PCCA: variants seen among roughly 807,000 people sequenced by gnomAD.
The protein encoded by PCCA is propionyl-CoA carboxylase subunit alpha, also known as propionyl-CoA carboxylase alpha chain, mitochondrial.
Under a neutral mutation model 101.3 loss-of-function variants are expected in PCCA, and 74 were observed. The ratio of observed to expected loss-of-function variants is 0.73; its 90% CI spans 0.61 to 0.89. The LOEUF is 0.89. PCCA is among the 40% of genes least tolerant of loss of function. The probability of loss-of-function intolerance (pLI) is 0.00; values close to 1 mark genes in which losing one functional copy is unlikely to be tolerated. For synonymous variants in PCCA, 294 were observed against 313.6 expected (o/e 0.94, Z 0.66); for missense variants, 891 against 907.0 (o/e 0.98, Z 0.23).
At chr13:100,334,613 C>T (rs1287866637) in intron 17 of PCCA, among the ~76,000 whole-genome samples, 2 of 152,114 alleles carry the variant, frequency 1.3e-5, no homozygotes, top group Non-Finnish European at 2.9e-5. Flanking sequence ...AACTAAAAAA[C>T]TGTGATTTTT....
intron 2 of PCCA, chr13:100,104,674 A>G (rs2047588235): frequency 6.6e-6 from 1 of 152,102 alleles, no homozygotes; most frequent in Non-Finnish European, 1.5e-5. Flanking sequence ...ACCAATTAAT[A>G]CACAGGGCAA....
chr13:100,234,057 C>T (rs966305180), intron 7 of PCCA, among the ~76,000 whole-genome samples: 4 of 152,140 alleles, frequency 2.6e-5, no homozygotes, highest in African/African-American at 2.4e-5. Context: ...TCTCTCATCA[C>T]GTTGGAAAGA....
intron 6 of PCCA, among the ~76,000 whole-genome samples, chr13:100,196,363 A>C (rs1437885874): frequency 2.0e-5 from 3 of 152,052 alleles, no homozygotes; most frequent in Non-Finnish European, 4.4e-5. Flanking sequence ...TGTAATACTC[A>C]CTCCCCATCA....
chr13:100,359,136 T>TA (rs764279877), intron 18 of PCCA, among the ~76,000 whole-genome samples: 17 of 148,868 alleles, frequency 1.1e-4, no homozygotes, highest in Non-Finnish European at 2.2e-4. Flanking sequence ...AAAAGCTGTT[T>TA]AAAAAAAAAT....
chr13:100,091,836 A>G (rs1185713380), intron 1 of PCCA, among the ~76,000 whole-genome samples: 1 of 152,068 alleles, frequency 6.6e-6, no homozygotes, highest in Non-Finnish European at 1.5e-5. Flanking sequence ...CTTCTGCGTA[A>G]ATGTTTTCAG....
intron 4 of PCCA, among the ~76,000 whole-genome samples, chr13:100,127,345 A>G (rs2050054238): frequency 1.3e-5 from 2 of 152,176 alleles, no homozygotes; most frequent in African/African-American, 4.8e-5. Context: ...CTTATACTGA[A>G]GTTACTTTTT....
chr13:100,234,924 AC>A (rs755237826), intron 7 of PCCA, among the ~76,000 whole-genome samples: 1 of 150,764 alleles, frequency 6.6e-6, no homozygotes, highest in African/African-American at 2.4e-5. Flanking sequence ...CCCCACACAT[AC>A]CCACACACAC....
rs996480582 is a variant in PCCA, at chr13:100,150,590, T to C, written c.301-4389T>C. ...GCCGTTTCCAAGGGCCAGGGCTCTT[T>C]TGGCCTGCAGATGTCAGCCCACACA... On this transcript the variant is annotated intron_variant, in intron 4 of 23. Coordinates refer to ENST00000376285, the MANE Select transcript of PCCA (RefSeq NM_000282.4). The C allele has an allele frequency of 4.1e-6, 5 of 1,211,460 alleles. No individual in the cohort carries two copies. The African/African-American group carries it at 5.9e-5, about 14-fold the overall frequency. 75.0% of individuals were successfully genotyped at this position (1,211,460 alleles called of 1,614,324 possible).
chr13:100,271,751 A>G (rs1476192160), intron 11 of PCCA, among the ~76,000 whole-genome samples: 1 of 152,224 alleles, frequency 6.6e-6, no homozygotes, highest in Non-Finnish European at 1.5e-5. Context: ...GTTGTGTTAC[A>G]AAAGGGTACT....
intron 18 of PCCA, among the ~76,000 whole-genome samples, chr13:100,350,005 T>C (rs1192427865): frequency 6.6e-6 from 1 of 152,216 alleles, no homozygotes; most frequent in Non-Finnish European, 1.5e-5. Flanking sequence ...CTTTCCTGGT[T>C]TCAGATATAG....
intron 18 of PCCA, among the ~76,000 whole-genome samples, chr13:100,354,345 A>G (rs2073713307): frequency 1.0e-5 from 1 of 95,932 alleles, no homozygotes; most frequent in Non-Finnish European, 2.0e-5. Flanking sequence ...GGGCGGTGGG[A>G]GGAGGGAGGG....
chr13:100,348,186 C>T (rs2072573602), intron 18 of PCCA, among the ~76,000 whole-genome samples: 1 of 152,196 alleles, frequency 6.6e-6, no homozygotes. Context: ...AAACCAGTAG[C>T]CCACAGCCCT....
chr13:100,222,599 A>G (rs907420400), intron 7 of PCCA, among the ~76,000 whole-genome samples: 42 of 152,224 alleles, frequency 2.8e-4, no homozygotes, highest in African/African-American at 9.2e-4. Flanking sequence ...TGATGGAAAT[A>G]AATAGTACCG....
intron 21 of PCCA, among the ~76,000 whole-genome samples, chr13:100,476,731 C>T (rs191470290): frequency 6.6e-6 from 1 of 152,278 alleles, no homozygotes; most frequent in Admixed American, 6.5e-5. Flanking sequence ...CTGGTGTACA[C>T]ACTGCACCTA....
At chr13:100,293,220 T>A in intron 12 of PCCA, 1 of 471,622 alleles carries the variant, frequency 2.1e-6, no homozygotes, top group Non-Finnish European at 4.4e-6. Context: ...ATTGGTACAG[T>A]GCAGGAGGAA....
At chr13:100,335,494 T>C (rs1002613038) in intron 17 of PCCA, among the ~76,000 whole-genome samples, 1 of 152,120 alleles carries the variant, frequency 6.6e-6, no homozygotes, top group African/African-American at 2.4e-5. Flanking sequence ...TCTCAATAAT[T>C]ATTAGCTCCA....
intron 12 of PCCA, among the ~76,000 whole-genome samples, chr13:100,292,314 A>C (rs1202306805): frequency 6.6e-6 from 1 of 152,228 alleles, no homozygotes; most frequent in Admixed American, 6.5e-5. Flanking sequence ...TTTCACTCAG[A>C]GCAAGTAAAT....
chr13:100,432,436 A>G (rs1358013976), intron 20 of PCCA, among the ~76,000 whole-genome samples: 5 of 152,196 alleles, frequency 3.3e-5, no homozygotes, highest in Non-Finnish European at 2.9e-5. Context: ...GCATCAGATG[A>G]TATTTGAGAT....
chr13:100,403,848 A>C (rs1049858082), intron 19 of PCCA, among the ~76,000 whole-genome samples: 1 of 152,116 alleles, frequency 6.6e-6, no homozygotes, highest in African/African-American at 2.4e-5. Flanking sequence ...TGCTGCAAAC[A>C]CTGCGAACTT....
Sources: allele counts gnomAD v4.1 joint callset (sites outside exome capture counted in the v4.1 genomes callset), GRCh38; gene constraint gnomAD v4.1.1; transcripts MANE v1.5; gene names NCBI Gene and HGNC (gene_info 2026-07-23, HGNC 2026-07-21).